ULK4: variants seen among roughly 807,000 people sequenced by gnomAD.
ULK4 encodes unc-51 like kinase 4, also known as inactive serine/threonine-protein kinase ULK4.
ULK4 carries 133 observed loss-of-function variants against 160.6 expected under a neutral mutation model. The ratio of observed to expected loss-of-function variants is 0.83; its 90% CI spans 0.72 to 0.96. The LOEUF (loss-of-function observed/expected upper bound fraction) is 0.96. ULK4 is among the 40% of genes least tolerant of loss of function. The probability of loss-of-function intolerance (pLI) is 0.00; values close to 1 mark genes in which losing one functional copy is unlikely to be tolerated. For synonymous variants in ULK4, 534 were observed against 539.8 expected, an observed-to-expected ratio of 0.99 and a Z score of 0.15; for missense variants, 1,580 against 1,499.5, an observed-to-expected ratio of 1.05 and a Z score of -0.89.
intron 31 of ULK4, among the ~76,000 whole-genome samples, chr3:41,610,108 CT>C (rs973884947): frequency 2.6e-5 from 4 of 151,860 alleles, no homozygotes; most frequent in Admixed American, 6.6e-5. Flanking sequence ...CCTCTGCCCC[CT>C]GGGTTCAAGC....
chr3:41,756,200 A>C (rs2038798321), intron 21 of ULK4, among the ~76,000 whole-genome samples: 1 of 152,112 alleles, frequency 6.6e-6, no homozygotes, highest in Non-Finnish European at 1.5e-5. Flanking sequence ...ACGCCCAATT[A>C]ACCCCAAGCT....
chr3:41,445,957 A>T lies in ULK4; in HGVS notation c.3492+9540T>A, dbSNP rs1366159378. Among the ~76,000 whole-genome samples, 4 of 151,888 alleles carry T rather than the reference A, an allele frequency of 2.6e-5. No individual in the cohort carries two copies. In the East Asian group the frequency reaches 7.8e-4, roughly 30 times the overall value. On this transcript the variant is annotated intron_variant, in intron 34 of 36. Transcript: ENST00000301831. ...CAGGCAACCTACAAAATGGGAGAAAATTTTCGCAACCTACTCATCTGACAA... is the reference window on the plus strand; with the variant it reads ...CAGGCAACCTACAAAATGGGAGAAATTTTTCGCAACCTACTCATCTGACAA...
chr3:41,871,364 G>T (rs1462674075), intron 17 of ULK4, among the ~76,000 whole-genome samples: 4 of 152,114 alleles, frequency 2.6e-5, no homozygotes, highest in Admixed American at 2.6e-4. Context: ...AAGTAAATAT[G>T]TAATATGTAT....
chr3:41,431,794 C>T (rs961176948), intron 34 of ULK4, among the ~76,000 whole-genome samples: 9 of 134,918 alleles, frequency 6.7e-5, no homozygotes, highest in African/African-American at 1.4e-4. Context: ...TTTTTCTTTT[C>T]TTTTTTTTTT....
chr3:41,484,458 C>CTTTTTTTTTTTT lies in ULK4; in HGVS notation c.3227-21206_3227-21205insAAAAAAAAAAAA, dbSNP rs369059587. On this transcript the variant is annotated intron_variant, in intron 32 of 36. Coordinates refer to ENST00000301831, the MANE Select transcript of ULK4 (RefSeq NM_017886.4). ...GAGTGACTTTTTTTTCTTTCTTTTC[C>CTTTTTTTTTTTT]TTTTTTTGTTTTGAGATGGAGTCTC... is the stretch of plus-strand genomic sequence containing the variant. Among the ~76,000 whole-genome samples the CTTTTTTTTTTTT allele has an allele frequency of 4.6e-3, 621 of 134,604 alleles. 15 individuals are homozygous for CTTTTTTTTTTTT. The highest frequency in any genetic ancestry group is 8.2e-3 in the Middle Eastern group (2 of 244). The allele number at this position is 134,604 out of a possible 152,430, so 88.3% of individuals were successfully genotyped here. A position where few individuals can be genotyped will look rare whatever the true frequency, so the allele number is the denominator to read the frequency against.
intron 18 of ULK4, among the ~76,000 whole-genome samples, chr3:41,824,407 C>T (rs1440975630): frequency 6.6e-6 from 1 of 152,136 alleles, no homozygotes; most frequent in Non-Finnish European, 1.5e-5. Context: ...AGTGAATTCC[C>T]TTCCCTAGTC....
chr3:41,357,178 T>G (rs1332314699), intron 35 of ULK4, among the ~76,000 whole-genome samples: 1 of 152,188 alleles, frequency 6.6e-6, no homozygotes, highest in African/African-American at 2.4e-5. Context: ...GATCTTCACA[T>G]TAATCTATGA....
intron 20 of ULK4, among the ~76,000 whole-genome samples, chr3:41,797,698 A>G (rs2040343355): frequency 6.6e-6 from 1 of 151,882 alleles, no homozygotes; most frequent in Admixed American, 6.6e-5. Context: ...CATCTCTACT[A>G]AAAAATACAA....
At chr3:41,506,769 T>A (rs1691985) in intron 32 of ULK4, among the ~76,000 whole-genome samples, 18,006 of 31,282 alleles carry the variant, frequency 0.58, 5,350 homozygotes, top group Non-Finnish European at 0.69. Flanking sequence ...TGATTTAAAA[T>A]ATATATATAT....
intron 35 of ULK4, among the ~76,000 whole-genome samples, chr3:41,287,370 A>AT (rs2079480614): frequency 6.6e-6 from 1 of 152,196 alleles, no homozygotes; most frequent in Non-Finnish European, 1.5e-5. Context: ...TTCTGGCTCA[A>AT]GAACTGAAAT....
intron 25 of ULK4, among the ~76,000 whole-genome samples, chr3:41,709,588 T>C (rs2037020599): frequency 6.6e-6 from 1 of 152,152 alleles, no homozygotes; most frequent in Admixed American, 6.5e-5. Context: ...GGTTTCACCA[T>C]GTTGGCCAGG....
chr3:41,782,299 G>C (rs1475780931), intron 21 of ULK4, among the ~76,000 whole-genome samples: 1 of 151,954 alleles, frequency 6.6e-6, no homozygotes, highest in Non-Finnish European at 1.5e-5. Flanking sequence ...TTCTTGTCCT[G>C]TTTAGATTTT....
chr3:41,483,801 T>C (rs997579093), intron 32 of ULK4, among the ~76,000 whole-genome samples: 3 of 152,122 alleles, frequency 2.0e-5, no homozygotes, highest in East Asian at 1.9e-4. Flanking sequence ...ACCATTATAA[T>C]CACAAGGATC....
chr3:41,589,723 G>A (rs1186486054), intron 31 of ULK4, among the ~76,000 whole-genome samples: 2 of 151,726 alleles, frequency 1.3e-5, no homozygotes, highest in Admixed American at 1.3e-4. Context: ...TTGCCTACCA[G>A]AAAAAAATCC....
At chr3:41,656,212 A>C (rs2034930562) in intron 30 of ULK4, among the ~76,000 whole-genome samples, 1 of 152,118 alleles carries the variant, frequency 6.6e-6, no homozygotes, top group Non-Finnish European at 1.5e-5. Context: ...AGGATGAAGA[A>C]AGGGAAGGGG....
At position 41,565,950 on chromosome 3, in the gene ULK4, T is replaced by C. The variant is rs568609735; in HGVS notation, c.3226+75A>G. Reference sequence around the variant, plus strand: ...ACTCATCAACTTTAAGTGGTACTTCTAGACTCCACGCTATATAAGATGAAG... The same window carrying C: ...ACTCATCAACTTTAAGTGGTACTTCCAGACTCCACGCTATATAAGATGAAG... On this transcript the variant is annotated intron_variant, in intron 32 of 36. Coordinates refer to ENST00000301831, the MANE Select transcript of ULK4 (RefSeq NM_017886.4). 7 of 1,130,204 alleles carry C rather than the reference T, an allele frequency of 6.2e-6. No homozygotes were observed. The African/African-American group carries it at 9.3e-5, about 15-fold the overall frequency. The allele number at this position is 1,130,204 out of a possible 1,614,324, so 70.0% of individuals were successfully genotyped here.
intron 32 of ULK4, among the ~76,000 whole-genome samples, chr3:41,529,852 C>G (rs1278251326): frequency 2.0e-5 from 3 of 152,052 alleles, no homozygotes; most frequent in African/African-American, 7.2e-5. Context: ...AAAATTTATA[C>G]ATAAATGTGA....
At chr3:41,641,420 G>C (rs2034187875) in intron 30 of ULK4, among the ~76,000 whole-genome samples, 2 of 152,192 alleles carry the variant, frequency 1.3e-5, no homozygotes, top group South Asian at 4.1e-4. Flanking sequence ...CACCAGGCCA[G>C]GCACGGTGGC....
chr3:41,490,133 T>G (rs1217022350), intron 32 of ULK4, among the ~76,000 whole-genome samples: 2 of 152,188 alleles, frequency 1.3e-5, no homozygotes, highest in Non-Finnish European at 2.9e-5. Context: ...TTGATCCAGT[T>G]CTGGTGTTCA....
Sources: gnomAD v4.1 joint callset for allele counts (sites outside exome capture counted in the v4.1 genomes callset) on GRCh38, gnomAD v4.1.1 for gene constraint, MANE v1.5 for transcripts, NCBI Gene and HGNC (gene_info 2026-07-23, HGNC 2026-07-21) for gene names.